The following ERCC6L2 variants were observed in gnomAD, a reference collection of about 807,000 sequenced individuals.
The protein encoded by ERCC6L2 is ERCC excision repair 6 like 2, also known as DNA excision repair protein ERCC-6-like 2.
Under a neutral mutation model 132.0 loss-of-function variants are expected in ERCC6L2, and 77 were observed. That is an observed-to-expected ratio of 0.58 (90% CI 0.49 to 0.71). The LOEUF is 0.71. ERCC6L2 is among the 30% of genes least tolerant of loss of function. The pLI, the probability that ERCC6L2 is intolerant of heterozygous loss-of-function variation, is 0.00. For missense variants in ERCC6L2, 1,542 were observed against 1,837.6 expected (o/e 0.84, Z 2.94); for synonymous variants, 583 against 632.4 (o/e 0.92, Z 1.17).
chr9:95,922,952 CAT>C (rs769617559), intron 8 of ERCC6L2, among the ~76,000 whole-genome samples: 12 of 152,168 alleles, frequency 7.9e-5, no homozygotes, highest in South Asian at 4.2e-4. Context: ...TTTGAAATCT[CAT>C]AAGAATTTGA....
At chr9:96,024,621 C>G (rs761643767) in intron 19 of ERCC6L2, among the ~76,000 whole-genome samples, 1 of 152,188 alleles carries the variant, frequency 6.6e-6, no homozygotes, top group African/African-American at 2.4e-5. Flanking sequence ...CATGCACCCA[C>G]CATATTCTAG....
chr9:95,887,004 T>C (rs1187439875), intron 2 of ERCC6L2, among the ~76,000 whole-genome samples: 1 of 152,260 alleles, frequency 6.6e-6, no homozygotes, highest in Non-Finnish European at 1.5e-5. Flanking sequence ...CTGGCTCTCC[T>C]TGCTCTTCAG....
Position 95,970,749 on chromosome 9 carries a change from T to A in ERCC6L2, c.2181+93T>A, listed in dbSNP as rs148735774. On this transcript the variant is annotated intron_variant, in intron 15 of 18. Coordinates refer to ENST00000653738, the MANE Select transcript of ERCC6L2 (RefSeq NM_020207.7). ...TTCCTTTTTCCTTAATTTTATAACC[T>A]GTAAAAAAAAAAATTAAGAGTCAAG... 8 of 868,608 alleles carry A rather than the reference T, an allele frequency of 9.2e-6. No homozygotes were observed. The East Asian group carries it at 5.7e-4, about 62-fold the overall frequency. The allele number at this position is 868,608 out of a possible 1,614,324, so 53.8% of individuals were successfully genotyped here. A position where few individuals can be genotyped will look rare whatever the true frequency, so the allele number is the denominator to read the frequency against.
Position 96,017,129 on chromosome 9 carries a change from T to C in ERCC6L2, c.*3926T>C, listed in dbSNP as rs1052505764. Among the ~76,000 whole-genome samples, 1 of 152,200 alleles carries C rather than the reference T, an allele frequency of 6.6e-6. No individual in the cohort carries two copies. Among genetic ancestry groups the C allele is most frequent in the Non-Finnish European group, 1.5e-5 (1 of 68,024 alleles). Reference sequence around the variant, plus strand: ...ATACAGACTTGTTTCTGGTTTCATCTTCCACCAGAGATTGCAAAGCATCCT... The same window carrying C: ...ATACAGACTTGTTTCTGGTTTCATCCTCCACCAGAGATTGCAAAGCATCCT... On this transcript the variant is annotated 3_prime_UTR_variant, in exon 19 of 19. Transcript: ENST00000653738.
chr9:95,893,367 A>C (rs542522249), intron 2 of ERCC6L2, among the ~76,000 whole-genome samples: 1 of 152,144 alleles, frequency 6.6e-6, no homozygotes, highest in Admixed American at 6.6e-5. Context: ...ATTTTGTTTA[A>C]GAGTTTGGCT....
intron 14 of ERCC6L2, chr9:95,968,765 A>G (rs1832280096): frequency 6.6e-6 from 1 of 152,244 alleles, no homozygotes; most frequent in East Asian, 1.9e-4. Context: ...TTTGTTGAGC[A>G]TCTGCTAAAT....
intron 12 of ERCC6L2, chr9:95,954,715 T>C (rs1380387656): frequency 2.1e-6 from 1 of 466,548 alleles, no homozygotes; most frequent in African/African-American, 2.0e-5. Context: ...GATCCATTTC[T>C]GGTTTTCTTT....
chr9:95,892,283 G>A (rs1481100217), intron 2 of ERCC6L2, among the ~76,000 whole-genome samples: 1 of 151,620 alleles, frequency 6.6e-6, no homozygotes, highest in Non-Finnish European at 1.5e-5. Context: ...CATTCCTCTA[G>A]GGACCTAGGG....
chr9:96,040,693 C>A (rs949748526), intron 20 of ERCC6L2, among the ~76,000 whole-genome samples: 2 of 152,236 alleles, frequency 1.3e-5, no homozygotes, highest in Non-Finnish European at 2.9e-5. Flanking sequence ...CATGGCCACA[C>A]CTCATGGGGA....
chr9:95,981,971 A>G (rs1026275305), intron 17 of ERCC6L2, among the ~76,000 whole-genome samples: 7 of 152,156 alleles, frequency 4.6e-5, no homozygotes, highest in Non-Finnish European at 7.4e-5. Context: ...AAGCCAAAAT[A>G]TAGACTGTGA....
At chr9:95,909,733 GATT>G (rs1358612053) in intron 4 of ERCC6L2, among the ~76,000 whole-genome samples, 1 of 152,058 alleles carries the variant, frequency 6.6e-6, no homozygotes, top group Non-Finnish European at 1.5e-5. Context: ...TCCAGTTTTG[GATT>G]ATTATAGATA....
intron 3 of ERCC6L2, among the ~76,000 whole-genome samples, chr9:95,900,399 A>AG (rs1828710688): frequency 6.6e-6 from 1 of 151,950 alleles, no homozygotes. Flanking sequence ...AAAAAAAAAA[A>AG]GTTCCTTTCA....
chr9:95,875,731 G>T lies in ERCC6L2; in HGVS notation c.-308G>T. On this transcript the variant is annotated 5_prime_UTR_variant, in exon 1 of 19. Coordinates refer to ENST00000653738, the MANE Select transcript of ERCC6L2 (RefSeq NM_020207.7). The stretch of plus-strand genomic sequence containing the variant: ...TTGGGGGTCGCCTTGCCGGCCTCCT[G>T]TCCTCCTCCGGCGGCGGCGGAGCCC... 2.2e-6 allele frequency: 1 copy of T among 462,424 alleles called. No individual in the cohort carries two copies. The highest frequency in any genetic ancestry group is 3.9e-6 in the Non-Finnish European group (1 of 255,182). The allele number at this position is 462,424 out of a possible 1,614,324, so 28.6% of individuals were successfully genotyped here.
At chr9:96,027,444 G>A (rs1834393960) in intron 19 of ERCC6L2, among the ~76,000 whole-genome samples, 1 of 152,194 alleles carries the variant, frequency 6.6e-6, no homozygotes, top group African/African-American at 2.4e-5. Context: ...CCCTGGCCGG[G>A]GCAGCCCGGC....
At chr9:95,949,071 A>G (rs1186510958) in intron 12 of ERCC6L2, among the ~76,000 whole-genome samples, 1 of 152,190 alleles carries the variant, frequency 6.6e-6, no homozygotes, top group African/African-American at 2.4e-5. Flanking sequence ...CAAATTCTGG[A>G]CACGAAATTC....
chr9:95,900,019 C>G (rs1828687691), intron 3 of ERCC6L2, among the ~76,000 whole-genome samples: 1 of 151,984 alleles, frequency 6.6e-6, no homozygotes, highest in Non-Finnish European at 1.5e-5. Flanking sequence ...TTGCTATTTA[C>G]CTTCTTCAGT....
intron 2 of ERCC6L2, among the ~76,000 whole-genome samples, chr9:95,897,360 A>G (rs1231633569): frequency 6.6e-6 from 1 of 152,144 alleles, no homozygotes; most frequent in Non-Finnish European, 1.5e-5. Flanking sequence ...TGTTATTCAA[A>G]ATGTTGCATA....
At chr9:95,966,264 T>A (rs1832149584) in intron 13 of ERCC6L2, among the ~76,000 whole-genome samples, 1 of 152,218 alleles carries the variant, frequency 6.6e-6, no homozygotes, top group Non-Finnish European at 1.5e-5. Flanking sequence ...TTCAAATGTA[T>A]GCTTTTATTA....
At chr9:95,943,425 G>A (rs1193144227) in intron 12 of ERCC6L2, among the ~76,000 whole-genome samples, 4 of 151,888 alleles carry the variant, frequency 2.6e-5, no homozygotes, top group African/African-American at 4.8e-5. Flanking sequence ...TAATTACCTG[G>A]TACAATTTTC....
Sources: gnomAD v4.1 joint callset for allele counts (sites outside exome capture counted in the v4.1 genomes callset) on GRCh38, gnomAD v4.1.1 for gene constraint, MANE v1.5 for transcripts, NCBI Gene and HGNC (gene_info 2026-07-23, HGNC 2026-07-21) for gene names.